The following TMEM143 variants were observed in gnomAD, a reference collection of about 807,000 sequenced individuals.
TMEM143 encodes the protein transmembrane protein 143.
In TMEM143, 45 loss-of-function variants were observed where a neutral mutation model predicts 40.3. The ratio of observed to expected loss-of-function variants is 1.12; its 90% CI spans 0.88 to 1.43. The LOEUF (loss-of-function observed/expected upper bound fraction) is 1.43, where lower values mean the gene tolerates loss of function less well. Among genes scored for constraint, TMEM143 ranks in the 40% most tolerant of loss-of-function variants. The pLI, the probability that TMEM143 is intolerant of heterozygous loss-of-function variation, is 0.00. For missense variants in TMEM143, 620 were observed against 613.4 expected, an observed-to-expected ratio of 1.01 and a Z score of -0.11; for synonymous variants, 299 against 282.7, an observed-to-expected ratio of 1.06 and a Z score of -0.58.
chr19:48,341,024 C>T (rs951294631), intron 6 of TMEM143, among the ~76,000 whole-genome samples: 4 of 152,230 alleles, frequency 2.6e-5, no homozygotes, highest in African/African-American at 9.7e-5. Flanking sequence ...CCCTCTCAGG[C>T]GGCACAGCCT....
At position 48,333,879 on chromosome 19, in the gene TMEM143, G is replaced by C. The variant is rs1022633112; in HGVS notation, c.1165+129C>G. The C allele has an allele frequency of 4.8e-5, 48 of 1,007,468 alleles. No individual in the cohort carries two copies. Among genetic ancestry groups the C allele is most frequent in the Non-Finnish European group, 6.2e-5 (44 of 711,002 alleles). 62.4% of individuals were successfully genotyped at this position (1,007,468 alleles called of 1,614,324 possible). A position where few individuals can be genotyped will look rare whatever the true frequency, so the allele number is the denominator to read the frequency against. On this transcript the variant is annotated intron_variant, in intron 7 of 7. Coordinates refer to ENST00000293261, the MANE Select transcript of TMEM143 (RefSeq NM_018273.4). This position sits in a 1 kb window ranked among gnomAD's most constrained non-coding sequence, Gnocchi z 4.1. ...TCTGGATTCGGAGGTCCTGTCTGCT[G>C]AGGGCCGGGGTCTCTTCGCAAACCC...
Position 48,332,366 on chromosome 19 carries a change from A to G in TMEM143, c.*853T>C, listed in dbSNP as rs1452426171. 1 of 152,242 alleles carries G rather than the reference A, an allele frequency of 6.6e-6. No individual in the cohort carries two copies. Among genetic ancestry groups the G allele is most frequent in the Non-Finnish European group, 1.5e-5 (1 of 68,050 alleles). 9.4% of individuals were successfully genotyped at this position (152,242 alleles called of 1,614,324 possible). On this transcript the variant is annotated 3_prime_UTR_variant, in exon 8 of 8. Coordinates refer to ENST00000293261, the MANE Select transcript of TMEM143 (RefSeq NM_018273.4). ...AAGAGTAGCCTCATCCAGACTTATTAAACATGATTTATTACTTTGGGACAG... is the reference window on the plus strand; with the variant it reads ...AAGAGTAGCCTCATCCAGACTTATTGAACATGATTTATTACTTTGGGACAG...
At chr19:48,335,254 T>C (rs1196324951) in intron 6 of TMEM143, among the ~76,000 whole-genome samples, 1 of 152,154 alleles carries the variant, frequency 6.6e-6, no homozygotes, top group Non-Finnish European at 1.5e-5. Flanking sequence ...TGTTTGAACT[T>C]TTCTATAATG....
At chr19:48,354,179 G>C (rs1340618959) in intron 3 of TMEM143, among the ~76,000 whole-genome samples, 1 of 151,116 alleles carries the variant, frequency 6.6e-6, no homozygotes, top group East Asian at 1.9e-4. Context: ...GATTGGTCTC[G>C]AAATCCTGAC....
intron 3 of TMEM143, among the ~76,000 whole-genome samples, chr19:48,354,752 G>T (rs79843018): frequency 0.019 from 2,861 of 152,112 alleles, 83 homozygotes; most frequent in African/African-American, 0.066. Context: ...TCAGAGAGAG[G>T]TCACCCGCCA....
chr19:48,357,883 G>A (rs758706395), intron 3 of TMEM143, among the ~76,000 whole-genome samples: 36 of 151,544 alleles, frequency 2.4e-4, no homozygotes, highest in Non-Finnish European at 4.1e-4. Flanking sequence ...TAAGCTATGA[G>A]GGTGCGAAGA....
chr19:48,339,101 G>A (rs1969433368), intron 6 of TMEM143, among the ~76,000 whole-genome samples: 1 of 152,126 alleles, frequency 6.6e-6, no homozygotes, highest in Admixed American at 6.5e-5. Flanking sequence ...CAGAGGAGGG[G>A]CAGGGCAGGA....
intron 3 of TMEM143, among the ~76,000 whole-genome samples, chr19:48,352,405 G>A (rs1301926756): frequency 1.3e-5 from 2 of 151,026 alleles, no homozygotes; most frequent in African/African-American, 4.9e-5. Context: ...CCAGGCTCAA[G>A]CGATCCTCCT....
chr19:48,334,040 CGGG>C lies in TMEM143; in HGVS notation c.1130_1132del (p.Ala377_Arg378delinsGly). ...CGAGCCTTGAGTGCCCCCTGGCCGC[CGGG>C]CCAGGAAGCTGTGAGCCAGCAGCGC... On this transcript the variant is annotated inframe_deletion, in exon 7 of 8. Transcript: ENST00000293261. The C allele has an allele frequency of 6.4e-7, 1 of 1,569,120 alleles. No homozygotes were observed. The highest frequency in any genetic ancestry group is 1.3e-5 in the African/African-American group (1 of 74,078).
intron 6 of TMEM143, among the ~76,000 whole-genome samples, chr19:48,336,646 G>T (rs1362991518): frequency 2.0e-5 from 3 of 152,062 alleles, no homozygotes; most frequent in Non-Finnish European, 4.4e-5. Context: ...AAGTTGCAGT[G>T]AGCCGAGATC....
At chr19:48,337,657 TA>T (rs1389536427) in intron 6 of TMEM143, among the ~76,000 whole-genome samples, 1 of 151,878 alleles carries the variant, frequency 6.6e-6, no homozygotes. Context: ...TGGGTGCCCA[TA>T]GGGTGTTCCC....
At chr19:48,354,169 G>T (rs1166430337) in intron 3 of TMEM143, among the ~76,000 whole-genome samples, 2 of 148,302 alleles carry the variant, frequency 1.3e-5, no homozygotes, top group Non-Finnish European at 3.0e-5. Context: ...ATGTTGGCCA[G>T]ATTGGTCTCG....
At chr19:48,340,030 A>G (rs1969454619) in intron 6 of TMEM143, among the ~76,000 whole-genome samples, 1 of 150,934 alleles carries the variant, frequency 6.6e-6, no homozygotes, top group Admixed American at 6.6e-5. Context: ...CACCCAGCCA[A>G]GGGCCCACAT....
chr19:48,356,837 G>T (rs1312327300), intron 3 of TMEM143, among the ~76,000 whole-genome samples: 10 of 144,120 alleles, frequency 6.9e-5, no homozygotes, highest in Non-Finnish European at 1.5e-4. Context: ...CAGGTGATCC[G>T]CCCGCCTCGG....
At chr19:48,340,121 ATTTT>A (rs11369636) in intron 6 of TMEM143, among the ~76,000 whole-genome samples, 55 of 98,538 alleles carry the variant, frequency 5.6e-4, no homozygotes, top group East Asian at 5.0e-3. Context: ...GTCAACTGGG[ATTTT>A]TTTTTTTTTT....
At chr19:48,359,971 C>A in intron 3 of TMEM143, 101 bp downstream of exon 3, 1 of 1,214,548 alleles carries the variant, frequency 8.2e-7, no homozygotes. Flanking sequence ...ATCCCCAGCA[C>A]TTAAAATAAG....
intron 3 of TMEM143, among the ~76,000 whole-genome samples, chr19:48,349,811 C>T (rs145761579): frequency 5.1e-4 from 78 of 152,032 alleles, no homozygotes; most frequent in Non-Finnish European, 9.6e-4. Context: ...AATAAAGGAA[C>T]AGAATAGCAC....
At chr19:48,341,381 T>C (rs970119301) in intron 6 of TMEM143, among the ~76,000 whole-genome samples, 23 of 152,090 alleles carry the variant, frequency 1.5e-4, no homozygotes, top group Non-Finnish European at 5.9e-5. Flanking sequence ...AAAGGGAGCT[T>C]GTTAAAAATA....
At chr19:48,334,219 G>C (rs947114630) in intron 6 of TMEM143, 22 bp from the exon 7 acceptor site, 1 of 1,572,820 alleles carries the variant, frequency 6.4e-7, no homozygotes, top group Non-Finnish European at 8.6e-7. Flanking sequence ...ACAGCGCCCC[G>C]TGGGCTCAGT....
Sources: gnomAD v4.1 joint callset for allele counts (sites outside exome capture counted in the v4.1 genomes callset) on GRCh38, gnomAD v4.1.1 for gene constraint, Gnocchi (gnomAD v3.1) non-coding constraint, MANE v1.5 for transcripts, NCBI Gene and HGNC (gene_info 2026-07-23, HGNC 2026-07-21) for gene names.